KLF8: variants seen among roughly 807,000 people sequenced by gnomAD.
KLF8 encodes the protein KLF transcription factor 8.
A neutral mutation model predicts 18.2 loss-of-function variants in KLF8; 10 were observed. The ratio of observed to expected loss-of-function variants is 0.55; its 90% CI spans 0.34 to 0.93. The LOEUF is 0.93. KLF8 is among the 40% of genes least tolerant of loss of function. The probability of loss-of-function intolerance (pLI) is 0.02; values close to 1 mark genes in which losing one functional copy is unlikely to be tolerated. For synonymous variants in KLF8, 109 were observed against 97.3 expected, an observed-to-expected ratio of 1.12 and a Z score of -0.71; for missense variants, 264 against 277.9, an observed-to-expected ratio of 0.95 and a Z score of 0.36.
At chrX:56,105,736 A>G in the KLF8 span, among the ~76,000 whole-genome samples, 1 of 111,193 alleles carries the variant, frequency 9.0e-6, no homozygotes, top group Non-Finnish European at 1.9e-5. Context: ...TTATGTGTGA[A>G]TTTTATCCTG....
the KLF8 span, among the ~76,000 whole-genome samples, chrX:56,081,607 T>C: frequency 8.9e-6 from 1 of 112,221 alleles, no homozygotes; most frequent in African/African-American, 3.2e-5. Flanking sequence ...GATTTAGCTA[T>C]GAATTTTTTA....
At chrX:55,938,568 A>G in the KLF8 span, among the ~76,000 whole-genome samples, 1 of 111,365 alleles carries the variant, frequency 9.0e-6, no homozygotes, top group Non-Finnish European at 1.9e-5. Context: ...CAATTAAAAG[A>G]CACAGACTGG....
At chrX:55,946,155 CA>C in the KLF8 span, among the ~76,000 whole-genome samples, 1 of 111,172 alleles carries the variant, frequency 9.0e-6, no homozygotes, top group Non-Finnish European at 1.9e-5. Context: ...CATATGGAAC[CA>C]AAAAAGAGCC....
At chrX:56,111,518 A>T in the KLF8 span, among the ~76,000 whole-genome samples, 1 of 112,549 alleles carries the variant, frequency 8.9e-6, no homozygotes, top group Non-Finnish European at 1.9e-5. Flanking sequence ...ACATCAAAAT[A>T]AACTATCATC....
the KLF8 span, among the ~76,000 whole-genome samples, chrX:56,185,781 A>T: frequency 8.9e-6 from 1 of 111,882 alleles, no homozygotes; most frequent in South Asian, 3.7e-4. Context: ...ACTAAGCTTC[A>T]TAAGTGAAGG....
chrX:56,252,419 A>G (rs1425500405), intron 2 of KLF8, among the ~76,000 whole-genome samples: 3 of 111,914 alleles, frequency 2.7e-5, no homozygotes, highest in Non-Finnish European at 5.6e-5. Context: ...CTCTATGTCC[A>G]TGAGTTCAAT....
At chrX:56,080,943 G>T in the KLF8 span, among the ~76,000 whole-genome samples, 1 of 110,446 alleles carries the variant, frequency 9.1e-6, no homozygotes, top group African/African-American at 3.3e-5. Context: ...GATTGCATCG[G>T]CTCCTGAGGC....
the KLF8 span, among the ~76,000 whole-genome samples, chrX:56,178,588 G>A: frequency 0.011 from 1,197 of 112,424 alleles, 16 homozygotes; most frequent in Middle Eastern, 0.097. Context: ...AATTGGCTCA[G>A]TTTTCTTCTA....
the KLF8 span, among the ~76,000 whole-genome samples, chrX:56,048,349 A>G: frequency 6.9e-3 from 773 of 111,934 alleles, 4 homozygotes; most frequent in South Asian, 0.024. Context: ...GCCCATGTCT[A>G]TGTCCTGAAT....
the KLF8 span, among the ~76,000 whole-genome samples, chrX:56,116,536 G>C: frequency 9.2e-6 from 1 of 108,260 alleles, no homozygotes; most frequent in African/African-American, 3.4e-5. Context: ...GAGAGAAGAT[G>C]GGCATCAGCT....
intron 2 of KLF8, among the ~76,000 whole-genome samples, chrX:56,264,444 A>G (rs1602447480): frequency 9.1e-6 from 1 of 110,428 alleles, no homozygotes; most frequent in African/African-American, 3.3e-5. Context: ...TTTTTAAACT[A>G]ATAAATTTAT....
the KLF8 span, among the ~76,000 whole-genome samples, chrX:56,121,169 G>C: frequency 1.1e-5 from 1 of 94,492 alleles, no homozygotes; most frequent in Admixed American, 1.2e-4. Context: ...CTGGGCCACA[G>C]AGCGAGACTC....
At chrX:56,070,000 C>A in the KLF8 span, among the ~76,000 whole-genome samples, 2 of 112,626 alleles carry the variant, frequency 1.8e-5, no homozygotes, top group Admixed American at 9.3e-5. Flanking sequence ...TGGAGCCAAC[C>A]CAAATGCCCA....
the KLF8 span, chrX:55,962,083 A>C: frequency 6.7e-6 from 1 of 149,863 alleles, no homozygotes; most frequent in Non-Finnish European, 1.3e-5. Context: ...GCAAAGATAC[A>C]GATGAAGCCA....
the KLF8 span, among the ~76,000 whole-genome samples, chrX:56,069,729 AGCCCAGCAGTCATGCCCGGCTTCCT>A: frequency 1.7e-3 from 185 of 111,830 alleles, 5 homozygotes; most frequent in South Asian, 0.066. Flanking sequence ...TAGAGCTTCC[AGCCCAGCAGTCATGCCCGGCTTCCT>A]GCCCAGCAGT....
chrX:56,059,442 A>C, the KLF8 span, among the ~76,000 whole-genome samples: 1 of 111,977 alleles, frequency 8.9e-6, no homozygotes, highest in African/African-American at 3.2e-5. Context: ...CTTTGTCCTG[A>C]ATGATATTGC....
the KLF8 span, among the ~76,000 whole-genome samples, chrX:56,155,468 G>A: frequency 9.0e-6 from 1 of 110,654 alleles, no homozygotes; most frequent in African/African-American, 3.3e-5. Flanking sequence ...GGTGGAGGAA[G>A]CGGGGAGGGA....
intron 1 of KLF8, among the ~76,000 whole-genome samples, chrX:56,241,755 C>T (rs1216116855): frequency 4.5e-5 from 5 of 111,985 alleles, no homozygotes; most frequent in African/African-American, 9.7e-5. Flanking sequence ...ATGATTTTCC[C>T]ATTGTTTCAC....
the KLF8 span, among the ~76,000 whole-genome samples, chrX:56,187,608 G>A: frequency 2.7e-5 from 3 of 111,480 alleles, no homozygotes; most frequent in African/African-American, 9.8e-5. Flanking sequence ...GATGAACATC[G>A]ATGCAAACTT....
Sources: gnomAD v4.1 joint callset for allele counts (sites outside exome capture counted in the v4.1 genomes callset) on GRCh38, gnomAD v4.1.1 for gene constraint, MANE v1.5 for transcripts, NCBI Gene and HGNC (gene_info 2026-07-23, HGNC 2026-07-21) for gene names.